The following DCC variants were observed in gnomAD, a reference collection of about 807,000 sequenced individuals.
The protein encoded by DCC is netrin receptor DCC.
DCC carries 58 observed loss-of-function variants against 172.5 expected under a neutral mutation model. The observed-to-expected ratio is 0.34, with a 90% CI of 0.27 to 0.42. The LOEUF is 0.42. Ranked by LOEUF, DCC falls within the 10% of genes least tolerant of loss-of-function variation. The pLI is 1.00. For missense variants in DCC, 1,740 were observed against 1,791.0 expected, an observed-to-expected ratio of 0.97 and a Z score of 0.51; for synonymous variants, 709 against 644.5, an observed-to-expected ratio of 1.10 and a Z score of -1.52.
intron 1 of DCC, among the ~76,000 whole-genome samples, chr18:52,470,734 CAA>C (rs1988923208): frequency 6.6e-6 from 1 of 152,138 alleles, no homozygotes; most frequent in Non-Finnish European, 1.5e-5. Context: ...TAATGGGAAA[CAA>C]AGTATCACAT....
At chr18:53,412,768 A>G (rs1910059577) in intron 20 of DCC, among the ~76,000 whole-genome samples, 1 of 152,128 alleles carries the variant, frequency 6.6e-6, no homozygotes, top group Admixed American at 6.6e-5. Context: ...AGAGGCTAGC[A>G]TTTGGTCTTT....
At chr18:53,378,936 G>T (rs563729175) in intron 15 of DCC, among the ~76,000 whole-genome samples, 1 of 152,140 alleles carries the variant, frequency 6.6e-6, no homozygotes, top group East Asian at 1.9e-4. Flanking sequence ...TATTAATTAC[G>T]TTTATAAAGG....
Position 52,857,852 on chromosome 18 carries a change from C to A in DCC, c.413-48192C>A, listed in dbSNP as rs368639200. Among the ~76,000 whole-genome samples the A allele has an allele frequency of 1.1e-4, 16 of 152,256 alleles. No homozygotes were observed. In the East Asian group the frequency reaches 2.1e-3, roughly 20 times the overall value. The stretch of plus-strand genomic sequence containing the variant: ...ACAGCTCTAATGAGCCAAATCTGTG[C>A]AAATGAGAAAATAATAATCTCCTCA... On this transcript the variant is annotated intron_variant, in intron 2 of 28. Transcript: ENST00000442544.
chr18:53,238,021 A>G (rs890099628), intron 12 of DCC, among the ~76,000 whole-genome samples: 1 of 152,206 alleles, frequency 6.6e-6, no homozygotes, highest in African/African-American at 2.4e-5. Flanking sequence ...ACTTTCTAAA[A>G]GAATCTCATG....
intron 1 of DCC, among the ~76,000 whole-genome samples, chr18:52,615,740 A>T (rs1330259279): frequency 1.3e-5 from 2 of 152,162 alleles, no homozygotes; most frequent in East Asian, 3.9e-4. Context: ...TCTTCTGATG[A>T]TGAATAAGAC....
chr18:53,136,963 C>A (rs897812018), intron 7 of DCC, among the ~76,000 whole-genome samples: 1 of 151,952 alleles, frequency 6.6e-6, no homozygotes, highest in African/African-American at 2.4e-5. Flanking sequence ...ATGTCCAGGC[C>A]CTAAAGGGCC....
chr18:53,051,227 CTAAA>C lies in DCC; in HGVS notation c.986-12067_986-12064del, dbSNP rs933852692. Among the ~76,000 whole-genome samples the C allele has an allele frequency of 3.9e-5, 6 of 152,126 alleles. No individual in the cohort carries two copies. In the South Asian group the frequency reaches 1.2e-3, roughly 32 times the overall value. ...CCTGGGCAATGGAGAGACATTGTGT[CTAAA>C]TAAATAAATACATACATGTTCATGT... On this transcript the variant is annotated intron_variant, in intron 5 of 28. Transcript: ENST00000442544.
At chr18:52,667,796 G>A (rs2035482367) in intron 1 of DCC, among the ~76,000 whole-genome samples, 1 of 152,150 alleles carries the variant, frequency 6.6e-6, no homozygotes, top group Non-Finnish European at 1.5e-5. Flanking sequence ...AAAGAAATTA[G>A]GGGTGGTAAG....
At chr18:52,971,162 T>G (rs908190975) in intron 5 of DCC, among the ~76,000 whole-genome samples, 3 of 152,174 alleles carry the variant, frequency 2.0e-5, no homozygotes, top group Non-Finnish European at 4.4e-5. Flanking sequence ...TCCTTGGCCT[T>G]TTCTTTTTCG....
At chr18:52,935,143 G>C (rs1355133791) in intron 5 of DCC, among the ~76,000 whole-genome samples, 1 of 152,074 alleles carries the variant, frequency 6.6e-6, no homozygotes, top group African/African-American at 2.4e-5. Context: ...CATATTGGTA[G>C]CACAAATAAT....
chr18:52,953,958 C>G (rs1248525413), intron 5 of DCC, among the ~76,000 whole-genome samples: 1 of 152,176 alleles, frequency 6.6e-6, no homozygotes, highest in Non-Finnish European at 1.5e-5. Flanking sequence ...GTGATGTTAG[C>G]AACAATTTTG....
Position 52,590,932 on chromosome 18 carries a change from A to G in DCC, c.92-161122A>G, listed in dbSNP as rs1167926450. Among the ~76,000 whole-genome samples the G allele has an allele frequency of 3.3e-5, 5 of 152,256 alleles. No homozygotes were observed. The East Asian group carries it at 9.6e-4, about 29-fold the overall frequency. ...AATGGATTACACACTGTCGATTACA[A>G]GTAGATGAATGTCTTCACATACATT... On this transcript the variant is annotated intron_variant, in intron 1 of 28. Transcript: ENST00000442544.
chr18:52,710,065 T>G (rs1158717537), intron 1 of DCC, among the ~76,000 whole-genome samples: 2 of 152,246 alleles, frequency 1.3e-5, no homozygotes, highest in East Asian at 3.9e-4. Flanking sequence ...TAAAAGTGTT[T>G]GCTATCCTCC....
intron 5 of DCC, among the ~76,000 whole-genome samples, chr18:52,996,405 G>T (rs1285122847): frequency 1.3e-5 from 2 of 151,960 alleles, no homozygotes; most frequent in Non-Finnish European, 2.9e-5. Context: ...TTCAAAGTAG[G>T]ATAACAATCT....
chr18:52,960,659 TATG>T (rs202040972), intron 5 of DCC, among the ~76,000 whole-genome samples: 2,057 of 152,172 alleles, frequency 0.014, 60 homozygotes, highest in African/African-American at 0.048. Flanking sequence ...TACCCAACAT[TATG>T]ATATTTCCTT....
At chr18:52,698,764 A>ATTTTT (rs34646550) in intron 1 of DCC, among the ~76,000 whole-genome samples, 25 of 134,154 alleles carry the variant, frequency 1.9e-4, no homozygotes, top group East Asian at 1.5e-3. Context: ...ACGCCTGGCT[A>ATTTTT]TTTTTTTTTT....
chr18:52,933,910 C>T (rs986598702), intron 5 of DCC, among the ~76,000 whole-genome samples: 2 of 151,788 alleles, frequency 1.3e-5, no homozygotes, highest in African/African-American at 2.4e-5. Context: ...ATTTGGTGTC[C>T]GTTTGAGTGT....
At chr18:53,036,793 G>C (rs1280168820) in intron 5 of DCC, among the ~76,000 whole-genome samples, 2 of 151,974 alleles carry the variant, frequency 1.3e-5, no homozygotes, top group Non-Finnish European at 2.9e-5. Context: ...CAGAGTAGTT[G>C]GTGTAAGCAA....
rs148977471 is a variant in DCC at position 53,016,121 on chromosome 18, TTGTC to T, written c.986-47179_986-47176del. Among the ~76,000 whole-genome samples, 650 of 152,206 alleles carry T rather than the reference TTGTC, an allele frequency of 4.3e-3. 1 individual carries two copies. The highest frequency in any genetic ancestry group is 0.011 in the African/African-American group (468 of 41,562). On this transcript the variant is annotated intron_variant, in intron 5 of 28. Coordinates refer to ENST00000442544, the MANE Select transcript of DCC (RefSeq NM_005215.4). ...AAAGTACATTTATTTGTATTATTCT[TTGTC>T]TGTCCATCTTCTCAAGCTCCATTAA... is the stretch of plus-strand genomic sequence containing the variant.
Sources: gnomAD v4.1 joint callset for allele counts (sites outside exome capture counted in the v4.1 genomes callset) on GRCh38, gnomAD v4.1.1 for gene constraint, MANE v1.5 for transcripts, NCBI Gene and HGNC (gene_info 2026-07-23, HGNC 2026-07-21) for gene names.